The following NTM variants were observed in gnomAD, a reference collection of about 807,000 sequenced individuals.
NTM encodes IgLON family member 2.
NTM carries 13 observed loss-of-function variants against 42.1 expected under a neutral mutation model. That is an observed-to-expected ratio of 0.31 (90% CI 0.20 to 0.49). The LOEUF is 0.49. NTM is among the 20% of genes least tolerant of loss of function. The pLI is 0.99. For missense variants in NTM, 373 were observed against 452.8 expected, an observed-to-expected ratio of 0.82 and a Z score of 1.60; for synonymous variants, 187 against 179.2, an observed-to-expected ratio of 1.04 and a Z score of -0.35.
intron 3 of NTM, among the ~76,000 whole-genome samples, chr11:132,156,169 T>G (rs751373139): frequency 6.6e-6 from 1 of 152,164 alleles, no homozygotes; most frequent in Non-Finnish European, 1.5e-5. Flanking sequence ...AAGACTTCTC[T>G]TTAGCCCAAG....
chr11:132,121,543 G>A (rs2064826763), intron 2 of NTM, among the ~76,000 whole-genome samples: 1 of 152,106 alleles, frequency 6.6e-6, no homozygotes, highest in Non-Finnish European at 1.5e-5. Flanking sequence ...GTTCATTATA[G>A]GATCCTGTTC....
intron 1 of NTM, among the ~76,000 whole-genome samples, chr11:131,449,230 C>T (rs540244388): frequency 6.6e-5 from 10 of 152,218 alleles, no homozygotes; most frequent in African/African-American, 2.2e-4. Flanking sequence ...AGATTAGCAA[C>T]ACAGAAGGAC....
At chr11:131,652,547 T>C (rs2066633226) in intron 1 of NTM, among the ~76,000 whole-genome samples, 1 of 152,190 alleles carries the variant, frequency 6.6e-6, no homozygotes, top group Non-Finnish European at 1.5e-5. Flanking sequence ...TTTTGGAAGT[T>C]TGCTGCTCAG....
At chr11:132,231,962 C>G (rs1826643571) in intron 4 of NTM, among the ~76,000 whole-genome samples, 1 of 152,174 alleles carries the variant, frequency 6.6e-6, no homozygotes, top group Non-Finnish European at 1.5e-5. Context: ...GGAGACCCGT[C>G]TGCTGTCCTC....
intron 1 of NTM, among the ~76,000 whole-genome samples, chr11:131,510,857 G>A (rs1273822381): frequency 1.3e-5 from 2 of 152,154 alleles, no homozygotes; most frequent in African/African-American, 4.8e-5. Flanking sequence ...GCTTGGGTGG[G>A]TCTGCACGGC....
intron 3 of NTM, among the ~76,000 whole-genome samples, chr11:132,193,629 G>A (rs953449496): frequency 2.0e-5 from 3 of 151,684 alleles, no homozygotes; most frequent in African/African-American, 4.8e-5. Context: ...CAAACCAAAC[G>A]CCAAAGATAA....
chr11:131,605,715 T>C (rs369495598), intron 1 of NTM: 1 of 855,164 alleles, frequency 1.2e-6, no homozygotes, highest in Non-Finnish European at 1.4e-6. Flanking sequence ...CGTTTCTTTC[T>C]ATTCCTAGCT....
intron 1 of NTM, among the ~76,000 whole-genome samples, chr11:131,820,083 C>T (rs1357125919): frequency 1.3e-5 from 2 of 152,172 alleles, no homozygotes; most frequent in Non-Finnish European, 2.9e-5. Flanking sequence ...CAGAGAATTG[C>T]AGGCAGCTTG....
chr11:131,854,911 G>A (rs2045950663), intron 1 of NTM, among the ~76,000 whole-genome samples: 1 of 152,088 alleles, frequency 6.6e-6, no homozygotes, highest in Non-Finnish European at 1.5e-5. Context: ...TGTTCAAACT[G>A]CTTAGCAAAT....
In NTM at chr11:131,987,511, T is replaced by C. The variant is rs1204421651; in HGVS notation, c.167+75863T>C. Reference sequence around the variant, plus strand: ...CTGTTTCTGCAGTAAACAAATGTATTGCAATACAGACTTCGAAGATCTTTG... The same window carrying C: ...CTGTTTCTGCAGTAAACAAATGTATCGCAATACAGACTTCGAAGATCTTTG... On this transcript the variant is annotated intron_variant, in intron 2 of 8. Coordinates refer to ENST00000683400, the MANE Select transcript of NTM (RefSeq NM_001352005.2). 4.6e-5 allele frequency among the ~76,000 whole-genome samples: 7 copies of C among 152,248 alleles called. No homozygotes were observed. In the East Asian group the frequency reaches 1.4e-3, roughly 29 times the overall value.
intron 2 of NTM, among the ~76,000 whole-genome samples, chr11:132,126,311 C>T (rs998679730): frequency 1.3e-5 from 2 of 152,148 alleles, no homozygotes; most frequent in African/African-American, 2.4e-5. Context: ...ACACACACCA[C>T]GGACAATGCT....
chr11:131,776,641 A>G (rs1206303222), intron 1 of NTM, among the ~76,000 whole-genome samples: 1 of 152,162 alleles, frequency 6.6e-6, no homozygotes, highest in Non-Finnish European at 1.5e-5. Flanking sequence ...GGTTAGGGTA[A>G]CGTTAGCTGC....
intron 1 of NTM, among the ~76,000 whole-genome samples, chr11:131,561,073 T>G (rs1223601117): frequency 6.6e-6 from 1 of 152,198 alleles, no homozygotes; most frequent in Non-Finnish European, 1.5e-5. Flanking sequence ...AAGTCAGAAG[T>G]GGCTGCAGGT....
intron 1 of NTM, among the ~76,000 whole-genome samples, chr11:131,479,239 C>G (rs1024023799): frequency 6.6e-6 from 1 of 152,128 alleles, no homozygotes; most frequent in Non-Finnish European, 1.5e-5. Flanking sequence ...GTACAACAGG[C>G]AATTATAATA....
rs142194650 is a variant in NTM at position 132,134,087 on chromosome 11, C to A, written c.168-12195C>A. On this transcript the variant is annotated intron_variant, in intron 2 of 8. Coordinates refer to ENST00000683400, the MANE Select transcript of NTM (RefSeq NM_001352005.2). ...TATAGGCACATGCCACCCTGCCCAGCCATTTTTTTTCTTTTTTTGTAAACA... is the reference window on the plus strand; with the variant it reads ...TATAGGCACATGCCACCCTGCCCAGACATTTTTTTTCTTTTTTTGTAAACA... Among the ~76,000 whole-genome samples, 227 of 152,248 alleles carry A rather than the reference C, an allele frequency of 1.5e-3. 1 individual carries two copies. The highest frequency in any genetic ancestry group is 5.2e-3 in the African/African-American group (217 of 41,554).
At position 131,502,517 on chromosome 11, in the gene NTM, G is replaced by C. The variant is rs147179966; in HGVS notation, c.82+131629G>C. 3.0e-4 allele frequency among the ~76,000 whole-genome samples: 46 copies of C among 152,188 alleles called. 1 individual carries two copies. In the South Asian group the frequency reaches 3.5e-3, roughly 12 times the overall value. On this transcript the variant is annotated intron_variant, in intron 1 of 8. Coordinates refer to ENST00000683400, the MANE Select transcript of NTM (RefSeq NM_001352005.2). ...CTGAGGGGAGGCAGGAGCTGGGAGC[G>C]GGGGAAAGTGCTATCACAGAGGCAA...
intron 1 of NTM, among the ~76,000 whole-genome samples, chr11:131,775,296 T>G (rs118097798): frequency 6.6e-6 from 1 of 152,220 alleles, no homozygotes; most frequent in East Asian, 1.9e-4. Flanking sequence ...TACTTATTAG[T>G]TCATTTGTTT....
intron 2 of NTM, among the ~76,000 whole-genome samples, chr11:132,124,118 C>T (rs1163600012): frequency 6.6e-6 from 1 of 152,130 alleles, no homozygotes; most frequent in Non-Finnish European, 1.5e-5. Flanking sequence ...TTGCATAGTG[C>T]CTGGCACACT....
chr11:132,311,962 C>G (rs1352299690), intron 6 of NTM, among the ~76,000 whole-genome samples: 1 of 117,632 alleles, frequency 8.5e-6, no homozygotes, highest in Non-Finnish European at 1.7e-5. Flanking sequence ...CTGGCTCAGG[C>G]AGCTTTGTTT....
Sources: allele counts gnomAD v4.1 joint callset (sites outside exome capture counted in the v4.1 genomes callset), GRCh38; gene constraint gnomAD v4.1.1; transcripts MANE v1.5; gene names NCBI Gene and HGNC (gene_info 2026-07-23, HGNC 2026-07-21).